ELMO1: variants seen among roughly 807,000 people sequenced by gnomAD.
The protein encoded by ELMO1 is engulfment and cell motility protein 1.
A neutral mutation model predicts 98.9 loss-of-function variants in ELMO1; 26 were observed. The observed-to-expected ratio is 0.26, with a 90% confidence interval of 0.19 to 0.36. The LOEUF (loss-of-function observed/expected upper bound fraction) is 0.36. Ranked by LOEUF, ELMO1 falls within the 10% of genes least tolerant of loss-of-function variation. The pLI, the probability that ELMO1 is intolerant of heterozygous loss-of-function variation, is 1.00. For synonymous variants in ELMO1, 346 were observed against 346.0 expected (o/e 1.00, Z 0.00); for missense variants, 627 against 935.2 (o/e 0.67, Z 4.30).
chr7:37,115,753 GA>G (rs200879941), intron 14 of ELMO1, among the ~76,000 whole-genome samples: 2,578 of 108,526 alleles, frequency 0.024, 58 homozygotes, highest in African/African-American at 0.073. Context: ...AGTGCAATAA[GA>G]AAAAAAAAAA....
intron 1 of ELMO1, among the ~76,000 whole-genome samples, chr7:37,394,563 G>A (rs1447081344): frequency 2.6e-5 from 4 of 152,180 alleles, no homozygotes; most frequent in Admixed American, 6.5e-5. Flanking sequence ...GGGAAGCAAG[G>A]GGCATAAGCA....
At chr7:37,180,702 G>A (rs1306470844) in intron 13 of ELMO1, among the ~76,000 whole-genome samples, 1 of 152,116 alleles carries the variant, frequency 6.6e-6, no homozygotes, top group Non-Finnish European at 1.5e-5. Context: ...TACCTACTAA[G>A]TATTTAGTGC....
intron 16 of ELMO1, among the ~76,000 whole-genome samples, chr7:37,001,204 G>T (rs1584497830): frequency 1.3e-5 from 2 of 152,134 alleles, no homozygotes; most frequent in Non-Finnish European, 2.9e-5. Flanking sequence ...TCTCAATAAG[G>T]CCTGTTGGCA....
At chr7:37,220,732 T>G (rs1350131676) in intron 10 of ELMO1, among the ~76,000 whole-genome samples, 1 of 152,220 alleles carries the variant, frequency 6.6e-6, no homozygotes, top group Non-Finnish European at 1.5e-5. Context: ...ATTTTACTCA[T>G]GTCTAGATTC....
At chr7:36,962,515 G>A (rs1490340345) in intron 16 of ELMO1, among the ~76,000 whole-genome samples, 1 of 152,124 alleles carries the variant, frequency 6.6e-6, no homozygotes. Flanking sequence ...TGAATGATGT[G>A]GGAAGAAGGT....
chr7:37,173,764 CTCTT>C (rs906655144), intron 13 of ELMO1, among the ~76,000 whole-genome samples: 4 of 152,200 alleles, frequency 2.6e-5, no homozygotes, highest in Non-Finnish European at 4.4e-5. Flanking sequence ...TAAAAGGTCT[CTCTT>C]TCCTCTTCAG....
chr7:37,306,215 C>T (rs576401882), intron 4 of ELMO1, among the ~76,000 whole-genome samples: 2 of 152,034 alleles, frequency 1.3e-5, no homozygotes, highest in Admixed American at 1.3e-4. Flanking sequence ...TAATCTAGTA[C>T]CTGAAATAAT....
In ELMO1 at chr7:37,222,613, A is replaced by G; in HGVS notation, c.780+2T>C. The G allele has an allele frequency of 6.2e-7, 1 of 1,613,964 alleles. No individual in the cohort carries two copies. Among genetic ancestry groups the G allele is most frequent in the Non-Finnish European group, 8.5e-7 (1 of 1,179,852 alleles). On this transcript the variant is annotated splice_donor_variant, in intron 10 of 21. Coordinates refer to ENST00000310758, the MANE Select transcript of ELMO1 (RefSeq NM_014800.11). LOFTEE classifies it high-confidence loss of function. ...CCATAAGACTAAAGAAATGCAACTT[A>G]CCTGCCTCCTCTCATCAGGAGCCTT...
chr7:36,904,326 C>T (rs1381282031), intron 16 of ELMO1, among the ~76,000 whole-genome samples: 2 of 152,228 alleles, frequency 1.3e-5, no homozygotes, highest in African/African-American at 2.4e-5. Context: ...GGGAGCTGCT[C>T]CCAGTGCTGC....
chr7:37,374,734 G>C (rs1019337047), intron 1 of ELMO1, among the ~76,000 whole-genome samples: 4 of 151,788 alleles, frequency 2.6e-5, no homozygotes, highest in Non-Finnish European at 5.9e-5. Flanking sequence ...CTGGGCAACA[G>C]AGCGAGACTC....
At chr7:36,939,642 G>A (rs567154301) in intron 16 of ELMO1, among the ~76,000 whole-genome samples, 1 of 152,336 alleles carries the variant, frequency 6.6e-6, no homozygotes, top group Admixed American at 6.5e-5. Context: ...TCTGGACCAT[G>A]CCACATATAG....
At position 37,240,270 on chromosome 7, in the gene ELMO1, C is replaced by T. The variant is rs1794693605; in HGVS notation, c.449+4086G>A. Among the ~76,000 whole-genome samples the T allele has an allele frequency of 2.6e-5, 4 of 152,076 alleles. No individual in the cohort carries two copies. In the South Asian group the frequency reaches 8.3e-4, roughly 32 times the overall value. The stretch of plus-strand genomic sequence containing the variant: ...CCCAGGCTGGTCTTGAACTGCTGGG[C>T]TCAAGTGATCCACCTGCCTTGGCCT... On this transcript the variant is annotated intron_variant, in intron 7 of 21. Transcript: ENST00000310758.
intron 8 of ELMO1, among the ~76,000 whole-genome samples, chr7:37,227,154 T>C (rs1192057595): frequency 6.6e-6 from 1 of 152,242 alleles, no homozygotes; most frequent in Non-Finnish European, 1.5e-5. Flanking sequence ...ATCCCTGTGA[T>C]ACATCTGACA....
chr7:37,142,909 CAA>C (rs1318855298), intron 13 of ELMO1, among the ~76,000 whole-genome samples: 1 of 152,146 alleles, frequency 6.6e-6, no homozygotes, highest in Non-Finnish European at 1.5e-5. Flanking sequence ...TCCCATGGCT[CAA>C]GAGTTATCAA....
intron 14 of ELMO1, chr7:37,116,759 T>G (rs1785624988): frequency 1.3e-5 from 2 of 152,312 alleles, no homozygotes; most frequent in Non-Finnish European, 1.5e-5. Context: ...TGAAACCTCT[T>G]TCACCAAGGA....
intron 13 of ELMO1, among the ~76,000 whole-genome samples, chr7:37,181,094 T>C (rs2129989011): frequency 6.6e-6 from 1 of 152,334 alleles, no homozygotes; most frequent in East Asian, 1.9e-4. Flanking sequence ...ATGTGAATTT[T>C]ACCTCAGTAA....
At chr7:37,069,832 T>G (rs1045422322) in intron 15 of ELMO1, among the ~76,000 whole-genome samples, 1 of 152,344 alleles carries the variant, frequency 6.6e-6, no homozygotes, top group African/African-American at 2.4e-5. Context: ...TCGATCCATC[T>G]TACCAGCATA....
At chr7:37,058,488 G>A (rs1796505426) in intron 15 of ELMO1, among the ~76,000 whole-genome samples, 1 of 152,150 alleles carries the variant, frequency 6.6e-6, no homozygotes, top group Admixed American at 6.5e-5. Context: ...TGGGGGACAT[G>A]CCAACCAGAA....
chr7:37,059,812 G>T (rs771704764), intron 15 of ELMO1, among the ~76,000 whole-genome samples: 2 of 152,170 alleles, frequency 1.3e-5, no homozygotes, highest in African/African-American at 2.4e-5. Context: ...AGATCCCAAT[G>T]GCTCCAAATT....
Sources: gnomAD v4.1 joint callset for allele counts (sites outside exome capture counted in the v4.1 genomes callset) on GRCh38, gnomAD v4.1.1 for gene constraint, MANE v1.5 for transcripts, NCBI Gene and HGNC (gene_info 2026-07-23, HGNC 2026-07-21) for gene names.